The following TMEM232 variants were observed in gnomAD, a reference collection of about 807,000 sequenced individuals.
The protein encoded by TMEM232 is transmembrane protein 232.
A neutral mutation model predicts 78.8 loss-of-function variants in TMEM232; 80 were observed. The observed-to-expected ratio is 1.01, with a 90% CI of 0.85 to 1.22. The LOEUF (loss-of-function observed/expected upper bound fraction) is 1.22, where lower values mean the gene tolerates loss of function less well. Among genes scored for constraint, TMEM232 ranks in the 50% most tolerant of loss-of-function variants. The pLI is 0.00. For synonymous variants in TMEM232, 297 were observed against 254.3 expected (o/e 1.17, Z -1.60); for missense variants, 881 against 742.2 (o/e 1.19, Z -2.17).
At chr5:110,711,594 C>T (rs915821369) in intron 1 of TMEM232, among the ~76,000 whole-genome samples, 1 of 152,058 alleles carries the variant, frequency 6.6e-6, no homozygotes, top group East Asian at 1.9e-4. Flanking sequence ...GACACATAGA[C>T]CAATGGAGCA....
intron 6 of TMEM232, 179 bp from the exon 7 acceptor site, chr5:110,625,612 C>T (rs1029887833): frequency 1.5e-5 from 6 of 411,880 alleles, no homozygotes; most frequent in East Asian, 1.3e-4. Flanking sequence ...GAATACTAGA[C>T]GGTAAATAAT....
intron 12 of TMEM232, among the ~76,000 whole-genome samples, chr5:110,517,585 T>C (rs1341241248): frequency 1.3e-5 from 2 of 152,186 alleles, no homozygotes; most frequent in East Asian, 1.9e-4. Flanking sequence ...GCTGACAGTA[T>C]GCACAACTGC....
intron 12 of TMEM232, among the ~76,000 whole-genome samples, chr5:110,498,394 C>G (rs186514513): frequency 6.6e-6 from 1 of 152,164 alleles, no homozygotes; most frequent in East Asian, 1.9e-4. Context: ...CTATCTGGAT[C>G]AGAATCTTCC....
intron 2 of TMEM232, among the ~76,000 whole-genome samples, chr5:110,662,394 T>C (rs1027512694): frequency 5.9e-5 from 9 of 152,166 alleles, no homozygotes; most frequent in Admixed American, 3.3e-4. Flanking sequence ...ATACCATGTT[T>C]ATAAATTAGA....
chr5:110,716,457 G>T (rs1797021342), intron 1 of TMEM232, among the ~76,000 whole-genome samples: 1 of 152,102 alleles, frequency 6.6e-6, no homozygotes, highest in African/African-American at 2.4e-5. Flanking sequence ...CCATCTGGTG[G>T]CGATGGGAGA....
At chr5:110,418,480 A>AAAAT (rs1756355291), downstream of TMEM232, among the ~76,000 whole-genome samples, 2 of 152,258 alleles carry the variant, frequency 1.3e-5, no homozygotes, top group South Asian at 4.1e-4. Flanking sequence ...TAAGAATTTT[A>AAAAT]AAATAATTTA....
At chr5:110,412,651 T>C (rs990630000) in intron 2 of TMEM232, among the ~76,000 whole-genome samples, 1 of 152,108 alleles carries the variant, frequency 6.6e-6, no homozygotes, top group African/African-American at 2.4e-5. Flanking sequence ...TTATAACCCA[T>C]CTTTTCCCAA....
chr5:110,722,302 G>C (rs888946858), intron 1 of TMEM232, among the ~76,000 whole-genome samples: 3 of 152,180 alleles, frequency 2.0e-5, no homozygotes, highest in African/African-American at 7.2e-5. Flanking sequence ...CTCTGGGTTA[G>C]GAATTTGTTA....
At chr5:110,656,809 G>A (rs1395083463) in intron 2 of TMEM232, among the ~76,000 whole-genome samples, 2 of 150,976 alleles carry the variant, frequency 1.3e-5, no homozygotes, top group Non-Finnish European at 2.9e-5. Flanking sequence ...CTGCACTCCA[G>A]CCTGGGCAAC....
chr5:110,658,049 G>A (rs13355707), intron 2 of TMEM232, among the ~76,000 whole-genome samples: 4,420 of 152,190 alleles, frequency 0.029, 221 homozygotes, highest in African/African-American at 0.1. Flanking sequence ...AATGTTTGAG[G>A]AATTCAGGGA....
chr5:110,518,707 C>T (rs1452405515), intron 12 of TMEM232, among the ~76,000 whole-genome samples: 1 of 152,148 alleles, frequency 6.6e-6, no homozygotes, highest in Non-Finnish European at 1.5e-5. Flanking sequence ...ACCAGGCTTG[C>T]TGCACTCAAT....
intron 10 of TMEM232, among the ~76,000 whole-genome samples, chr5:110,600,960 C>T (rs1482690979): frequency 2.0e-5 from 3 of 152,148 alleles, no homozygotes; most frequent in South Asian, 2.1e-4. Flanking sequence ...TGATCCACCA[C>T]GATCAAGTCA....
chr5:110,561,310 T>A (rs60650890), intron 11 of TMEM232, among the ~76,000 whole-genome samples: 21,627 of 151,640 alleles, frequency 0.14, 3,945 homozygotes, highest in African/African-American at 0.43. Flanking sequence ...CACCTTGCAA[T>A]AAAAAAACAA....
chr5:110,708,941 G>A (rs929249395), intron 1 of TMEM232, among the ~76,000 whole-genome samples: 10 of 151,920 alleles, frequency 6.6e-5, no homozygotes, highest in African/African-American at 1.9e-4. Context: ...TATAGTGGCC[G>A]AATGGATGAA....
intron 10 of TMEM232, among the ~76,000 whole-genome samples, chr5:110,568,898 G>A (rs1405444026): frequency 6.6e-6 from 1 of 151,808 alleles, no homozygotes; most frequent in South Asian, 2.1e-4. Flanking sequence ...TGGGTAAACT[G>A]TAAACTACAT....
intron 1 of TMEM232, among the ~76,000 whole-genome samples, chr5:110,687,342 A>T (rs1320505864): frequency 6.6e-6 from 1 of 152,132 alleles, no homozygotes; most frequent in Admixed American, 6.6e-5. Flanking sequence ...GGCAACTTGA[A>T]TCTGTCTCTT....
intron 2 of TMEM232, among the ~76,000 whole-genome samples, chr5:110,662,027 T>C (rs1342867882): frequency 6.6e-6 from 1 of 152,192 alleles, no homozygotes; most frequent in Non-Finnish European, 1.5e-5. Context: ...TTTGAGTTCT[T>C]CATATATTCT....
At chr5:110,606,018 G>A (rs902926501) in intron 9 of TMEM232, 146 bp downstream of exon 9, 3 of 683,464 alleles carry the variant, frequency 4.4e-6, no homozygotes, top group African/African-American at 3.8e-5. Flanking sequence ...AATGGTAACT[G>A]TGAATTTGCT....
At chr5:110,664,499 C>T (rs1365704836) in intron 2 of TMEM232, among the ~76,000 whole-genome samples, 1 of 152,202 alleles carries the variant, frequency 6.6e-6, no homozygotes, top group African/African-American at 2.4e-5. Context: ...TATGGTTAAA[C>T]AGCTGAAACT....
Sources: gnomAD v4.1 joint callset for allele counts (sites outside exome capture counted in the v4.1 genomes callset) on GRCh38, gnomAD v4.1.1 for gene constraint, MANE v1.5 for transcripts, NCBI Gene and HGNC (gene_info 2026-07-23, HGNC 2026-07-21) for gene names.